Variants in CDKL2 observed in about 807,000 individuals in gnomAD.
CDKL2 encodes the protein cyclin dependent kinase like 2, also known as cyclin-dependent kinase-like 2.
A neutral mutation model predicts 63.9 loss-of-function variants in CDKL2; 64 were observed. The ratio of observed to expected loss-of-function variants is 1.00; its 90% CI spans 0.82 to 1.23. The LOEUF is 1.23. CDKL2 is among the 50% of genes most tolerant of loss of function. CDKL2 has a pLI of 0.00. For missense variants in CDKL2, 656 were observed against 668.0 expected (o/e 0.98, Z 0.20); for synonymous variants, 211 against 229.2 (o/e 0.92, Z 0.72).
chr4:75,605,684 A>G, intron 4 of CDKL2, 50 bp from the exon 5 acceptor site: 3 of 1,215,514 alleles, frequency 2.5e-6, no homozygotes, highest in Non-Finnish European at 3.6e-6. Context: ...ATATGCTCCA[A>G]AACCCAAAGC....
chr4:75,582,089 G>A (rs749006069), intron 12 of CDKL2, among the ~76,000 whole-genome samples, 191 bp from the exon 13 acceptor site: 8 of 152,326 alleles, frequency 5.3e-5, no homozygotes, highest in Non-Finnish European at 1.2e-4. Context: ...AAACATGACT[G>A]CTGAGTGGAT....
chr4:75,585,872 C>CA (rs1218267670), intron 12 of CDKL2, among the ~76,000 whole-genome samples: 2 of 151,698 alleles, frequency 1.3e-5, no homozygotes, highest in Non-Finnish European at 2.9e-5. Context: ...TAGACCTAAA[C>CA]AAAAAAAATT....
chr4:75,613,102 G>C (rs1729776802), intron 3 of CDKL2, among the ~76,000 whole-genome samples: 1 of 146,550 alleles, frequency 6.8e-6, no homozygotes, highest in Admixed American at 7.1e-5. Context: ...TCCAGCCTGG[G>C]CGATAGAGGG....
At chr4:75,612,458 T>C (rs181256280) in intron 3 of CDKL2, among the ~76,000 whole-genome samples, 45 of 152,326 alleles carry the variant, frequency 3.0e-4, no homozygotes, top group Admixed American at 2.7e-3. Context: ...AATGCGCTTC[T>C]AATGTGAGAG....
At chr4:75,597,844 A>G (rs553582473) in intron 8 of CDKL2, among the ~76,000 whole-genome samples, 1 of 152,322 alleles carries the variant, frequency 6.6e-6, no homozygotes, top group Non-Finnish European at 1.5e-5. Context: ...ATGTTCTTGG[A>G]TGAATGTGAT....
At chr4:75,589,981 CCAA>C (rs1215263535) in intron 12 of CDKL2, among the ~76,000 whole-genome samples, 2 of 148,128 alleles carry the variant, frequency 1.4e-5, no homozygotes, top group African/African-American at 5.0e-5. Flanking sequence ...GACCATGTGT[CCAA>C]AAAAAAAAAA....
At chr4:75,629,439 T>G (rs1035375815) in intron 1 of CDKL2, among the ~76,000 whole-genome samples, 1 of 152,200 alleles carries the variant, frequency 6.6e-6, no homozygotes, top group African/African-American at 2.4e-5. Flanking sequence ...ACAAATACTT[T>G]AAAAGTATCA....
chr4:75,627,995 T>A (rs1730510484), intron 1 of CDKL2, among the ~76,000 whole-genome samples: 1 of 151,370 alleles, frequency 6.6e-6, no homozygotes. Context: ...AATTAAATTT[T>A]ATTAAATTTA....
intron 2 of CDKL2, among the ~76,000 whole-genome samples, chr4:75,618,590 A>T (rs72649405): frequency 0.15 from 23,301 of 152,004 alleles, 2,429 homozygotes; most frequent in African/African-American, 0.3. Flanking sequence ...AATTTTCAAA[A>T]AATCTTCTTA....
intron 12 of CDKL2, among the ~76,000 whole-genome samples, chr4:75,587,283 G>A (rs533346773): frequency 1.5e-4 from 23 of 151,602 alleles, no homozygotes; most frequent in East Asian, 7.8e-4. Flanking sequence ...GTGAAACCCC[G>A]TCTCTACTAA....
chr4:75,604,865 G>A (rs1729355385), intron 5 of CDKL2, among the ~76,000 whole-genome samples: 1 of 152,268 alleles, frequency 6.6e-6, no homozygotes, highest in Non-Finnish European at 1.5e-5. Flanking sequence ...GCGGGCCACA[G>A]TGGCTCACGC....
intron 1 of CDKL2, among the ~76,000 whole-genome samples, chr4:75,628,961 T>C (rs532459107): frequency 6.6e-6 from 1 of 152,330 alleles, no homozygotes; most frequent in Admixed American, 6.5e-5. Flanking sequence ...CTACCAGTTT[T>C]CATAGTAGAT....
intron 12 of CDKL2, among the ~76,000 whole-genome samples, chr4:75,589,354 G>T (rs964353180): frequency 1.4e-5 from 2 of 143,552 alleles, no homozygotes; most frequent in Non-Finnish European, 3.0e-5. Flanking sequence ...GCCCAGGCTG[G>T]AGTGCAGTGG....
intron 12 of CDKL2, among the ~76,000 whole-genome samples, chr4:75,586,946 CA>C (rs1190807344): frequency 1.3e-5 from 2 of 151,864 alleles, no homozygotes; most frequent in African/African-American, 4.8e-5. Context: ...AGAATAAACT[CA>C]AAGTAAGTAA....
At chr4:75,617,214 C>G (rs968596055) in intron 2 of CDKL2, among the ~76,000 whole-genome samples, 1 of 151,848 alleles carries the variant, frequency 6.6e-6, no homozygotes, top group South Asian at 2.1e-4. Context: ...AAAAAAAACA[C>G]AAACTTCTAC....
intron 1 of CDKL2, 52 bp downstream of exon 1, chr4:75,629,990 T>G (rs1045139960): frequency 4.3e-5 from 6 of 138,136 alleles, no homozygotes; most frequent in African/African-American, 1.6e-4. Context: ...ATTGAAATCT[T>G]TTATAGATCA....
intron 1 of CDKL2, among the ~76,000 whole-genome samples, chr4:75,626,455 G>A (rs1020089693): frequency 2.0e-4 from 31 of 151,914 alleles, no homozygotes; most frequent in Non-Finnish European, 3.2e-4. Flanking sequence ...TCACAAGGTC[G>A]GGAGATTGAG....
intron 2 of CDKL2, among the ~76,000 whole-genome samples, chr4:75,625,071 G>A (rs565836161): frequency 2.0e-5 from 3 of 152,132 alleles, no homozygotes; most frequent in Admixed American, 2.0e-4. Flanking sequence ...TCTCAGTGTT[G>A]GATAAAACAA....
chr4:75,614,332 T>C lies in CDKL2; in HGVS notation c.286A>G (p.Asn96Asp), dbSNP rs372688820. The C allele has an allele frequency of 1.9e-6, 3 of 1,612,038 alleles. No individual in the cohort carries two copies. The African/African-American group carries it at 4.0e-5, about 22-fold the overall frequency. Residue 96 changes from asparagine to aspartate, a missense_variant, in exon 3 of 14, where the codon AAT becomes GAT. Physicochemically the swap from Asn to Asp is conservative, Grantham distance 23. Transcript: ENST00000307465. ...TGAACTACTTGGTAGTCTAGTCCAT[T>C]TGGAAAGAGCTCCAAGTCATCAAGA... ...TILDDLELFP[N>D]GLDYQVVQKY... is the part of the protein sequence containing the mutation.
Sources: gnomAD v4.1 joint callset for allele counts (sites outside exome capture counted in the v4.1 genomes callset) on GRCh38, gnomAD v4.1.1 for gene constraint, MANE v1.5 for transcripts, NCBI Gene and HGNC (gene_info 2026-07-23, HGNC 2026-07-21) for gene names.